The following SHC1 variants were observed in gnomAD, a reference collection of about 807,000 sequenced individuals.
SHC1 encodes the protein SHC adaptor protein 1, also known as SHC-transforming protein 1.
In SHC1, 30 loss-of-function variants were observed where a neutral mutation model predicts 55.9. The ratio of observed to expected loss-of-function variants is 0.54; its 90% CI spans 0.40 to 0.73. The LOEUF is 0.73. Among genes scored for constraint, SHC1 ranks in the 30% least tolerant of loss-of-function variants. The pLI, the probability that SHC1 is intolerant of heterozygous loss-of-function variation, is 0.00. For synonymous variants in SHC1, 309 were observed against 306.1 expected (o/e 1.01, Z -0.10); for missense variants, 675 against 777.1 (o/e 0.87, Z 1.56).
At chr1:154,971,305 G>A (rs556893133), upstream of SHC1, among the ~76,000 whole-genome samples, 7 of 152,246 alleles carry the variant, frequency 4.6e-5, no homozygotes, top group South Asian at 8.3e-4. Context: ...TGGAGCTAGC[G>A]AAGTGGGGAT....
chr1:154,966,270 C>G, intron 8 of SHC1, 39 bp from the exon 9 acceptor site: 1 of 1,611,986 alleles, frequency 6.2e-7, no homozygotes, highest in Non-Finnish European at 8.5e-7. Context: ...GAAGCCCTAA[C>G]CAACCACTCC....
At position 154,965,077 on chromosome 1, in the gene SHC1, C is replaced by T. The variant is rs552673687; in HGVS notation, c.1626+466G>A. Among the ~76,000 whole-genome samples the T allele has an allele frequency of 3.3e-5, 5 of 152,298 alleles. 1 individual carries two copies. In the South Asian group the frequency reaches 1.0e-3, roughly 32 times the overall value. ...TTTCAGACAGAGTCTCACTCTGTCA[C>T]CCAGGCTGGAGTGCAGTGGTGTGAT... is the stretch of plus-strand genomic sequence containing the variant. On this transcript the variant is annotated intron_variant, in intron 11 of 11. Coordinates refer to ENST00000448116, the MANE Select transcript of SHC1 (RefSeq NM_001130040.2).
chr1:154,974,019 G>C (rs1209823136), upstream of SHC1, among the ~76,000 whole-genome samples: 2 of 152,094 alleles, frequency 1.3e-5, no homozygotes, highest in Admixed American at 6.5e-5. Flanking sequence ...CTTGGAACGT[G>C]TCGGGGGGTG....
chr1:154,968,010 A>T lies in SHC1; in HGVS notation c.826T>A (p.Tyr276Asn). 1 of 1,614,178 alleles carries T rather than the reference A, an allele frequency of 6.2e-7. No homozygotes were observed. The highest frequency in any genetic ancestry group is 1.6e-4 in the Middle Eastern group (1 of 6,062). Residue 276 changes from tyrosine to asparagine, a missense_variant, in exon 6 of 12, where the codon TAT (tyrosine) becomes AAT (asparagine). Around this residue, in one of 3 missense-constraint regions of SHC1, gnomAD observed 159 missense variants for 246.9 expected, o/e 0.64. Coordinates refer to ENST00000448116, the MANE Select transcript of SHC1 (RefSeq NM_001130040.2). ...GDPDTAEYVA[Y>N]VAKDPVNQRA... ...TGATTCACAGGGTCTTTGGCAACAT[A>T]GGCGACATACTCGGCTGTGTCCTGG... is the stretch of plus-strand genomic sequence containing the variant.
upstream of SHC1, among the ~76,000 whole-genome samples, chr1:154,973,775 G>A (rs1205631829): frequency 6.6e-6 from 1 of 152,206 alleles, no homozygotes; most frequent in East Asian, 1.9e-4. Flanking sequence ...GGTCCCCTAA[G>A]GACGCGAACT....
intron 8 of SHC1, 43 bp downstream of exon 8, chr1:154,966,276 A>G: frequency 6.2e-7 from 1 of 1,610,306 alleles, no homozygotes; most frequent in Non-Finnish European, 8.5e-7. Flanking sequence ...CTAACCAACC[A>G]CTCCCACCCT....
At position 154,965,527 on chromosome 1, in the gene SHC1, C is replaced by T. The variant is rs1369902142; in HGVS notation, c.1626+16G>A. The T allele has an allele frequency of 3.1e-6, 5 of 1,614,184 alleles. No individual in the cohort carries two copies. In the South Asian group the frequency reaches 5.5e-5, roughly 18 times the overall value. On this transcript the variant is annotated intron_variant, in intron 11 of 11. Coordinates refer to ENST00000448116, the MANE Select transcript of SHC1 (RefSeq NM_001130040.2). ...TCCTTTTTGCCACCCCTCACCCACA[C>T]CTCTGCCACACTCACCACACCCTCA... is the stretch of plus-strand genomic sequence containing the variant.
At chr1:154,973,881 G>A (rs1488738047), upstream of SHC1, among the ~76,000 whole-genome samples, 2 of 152,194 alleles carry the variant, frequency 1.3e-5, no homozygotes, top group African/African-American at 2.4e-5. Context: ...AATTCGAATC[G>A]TTCTTTGAAG....
At chr1:154,972,035 G>A (rs903839325), upstream of SHC1, among the ~76,000 whole-genome samples, 1 of 152,002 alleles carries the variant, frequency 6.6e-6, no homozygotes, top group African/African-American at 2.4e-5. Flanking sequence ...ATCACCTGAA[G>A]TCAGGAGTTC....
chr1:154,973,941 G>A (rs1474095454), upstream of SHC1, among the ~76,000 whole-genome samples: 1 of 152,158 alleles, frequency 6.6e-6, no homozygotes, highest in African/African-American at 2.4e-5. Context: ...GGAGTTAGCC[G>A]AGGATCGTTG....
rs776092216 is a variant in SHC1, at chr1:154,966,512, G to A, written c.989C>T (p.Ala330Val). 1.3e-6 allele frequency: 2 copies of A among 1,587,438 alleles called. No individual in the cohort carries two copies. The highest frequency in any genetic ancestry group is 3.5e-5 in the Admixed American group (2 of 57,590). The change falls in exon 8 of 12, where the codon GCT (alanine) becomes GTT (valine). Residue 330 changes from alanine to valine, a missense_variant. Physicochemically the swap from Ala to Val is moderately conservative, Grantham distance 64. Around this residue, in one of 3 missense-constraint regions of SHC1, gnomAD observed 360 missense variants for 371.1 expected, o/e 0.97. Coordinates refer to ENST00000448116, the MANE Select transcript of SHC1 (RefSeq NM_001130040.2). ...PKLVTPHDRM[A>V]GFDGSAWDEE... ...ATCCCATGCTGAGCCATCAAAGCCA[G>A]CCATCCTGAGGGACAGGACAGTGAA... is the stretch of plus-strand genomic sequence containing the variant.
At chr1:154,967,829 G>C in intron 6 of SHC1, 32 bp from the exon 7 acceptor site, 1 of 1,611,852 alleles carries the variant, frequency 6.2e-7, no homozygotes, top group Non-Finnish European at 8.5e-7. Flanking sequence ...TCAGTGAGCT[G>C]AGCCCACTGG....
chr1:154,967,178 G>A (rs1274592348), intron 7 of SHC1, among the ~76,000 whole-genome samples: 1 of 151,210 alleles, frequency 6.6e-6, no homozygotes, highest in Non-Finnish European at 1.5e-5. Flanking sequence ...ATGTAGGGGG[G>A]TGGGGGGCCG....
At chr1:154,968,098 T>C in intron 5 of SHC1, 67 bp from the exon 6 acceptor site, 1 of 1,597,226 alleles carries the variant, frequency 6.3e-7, no homozygotes, top group Admixed American at 1.7e-5. Flanking sequence ...CCAGTCCTTT[T>C]CAGATATCCC....
chr1:154,966,933 T>C lies in SHC1; in HGVS notation c.984-416A>G, dbSNP rs1303047115. Among the ~76,000 whole-genome samples the C allele has an allele frequency of 3.3e-5, 5 of 152,134 alleles. No individual in the cohort carries two copies. In the South Asian group the frequency reaches 8.3e-4, roughly 25 times the overall value. ...GCCAGGACAACATAGCGAGACCTTATCTCTACCAGAATAAAAATACTACTA... is the reference window on the plus strand; with the variant it reads ...GCCAGGACAACATAGCGAGACCTTACCTCTACCAGAATAAAAATACTACTA... On this transcript the variant is annotated intron_variant, in intron 7 of 11. Coordinates refer to ENST00000448116, the MANE Select transcript of SHC1 (RefSeq NM_001130040.2).
chr1:154,974,002 A>G (rs1209460230), upstream of SHC1, among the ~76,000 whole-genome samples: 1 of 151,894 alleles, frequency 6.6e-6, no homozygotes, highest in African/African-American at 2.4e-5. Context: ...GGTTTCTCGT[A>G]GTAGGGCTTG....
chr1:154,966,425 G>C lies in SHC1; in HGVS notation c.1076C>G (p.Pro359Arg). ...CCTCATGTCTACCACCCCCCCCAAGGGGGGTTCCTTCCCCGGGAAGTCATT... is the reference window on the plus strand; with the variant it reads ...CCTCATGTCTACCACCCCCCCCAAGCGGGGTTCCTTCCCCGGGAAGTCATT... ...YYNDFPGKEP[P>R]LGGVVDMRLR... is the part of the protein sequence containing the mutation. The change falls in exon 8 of 12, where the codon CCC becomes CGC. Residue 359 changes from proline to arginine, a missense_variant. Physicochemically the swap from Pro to Arg is moderately radical, Grantham distance 103 (BLOSUM62 -2). Transcript: ENST00000448116. The C allele has an allele frequency of 6.2e-7, 1 of 1,613,734 alleles. No homozygotes were observed. The highest frequency in any genetic ancestry group is 8.5e-7 in the Non-Finnish European group (1 of 1,179,824).
In SHC1 at chr1:154,970,318, A is replaced by T. The variant is rs779309641; in HGVS notation, c.209T>A (p.Leu70Gln). The T allele has an allele frequency of 1.2e-6, 2 of 1,605,016 alleles. No individual in the cohort carries two copies. Among genetic ancestry groups the T allele is most frequent in the South Asian group, 1.1e-5 (1 of 90,050 alleles). ...SFFPRMSNLRLANPAGGRPGS... is the reference protein window; with the variant it reads ...SFFPRMSNLRQANPAGGRPGS... ...TGGGCGCCCCCCAGCCGGGTTGGCC[A>T]GCCTCAGGTTGCTCATCCGGGGGAA... Residue 70 changes from leucine to glutamine, a missense_variant, in exon 1 of 12, where the codon CTG becomes CAG. Physicochemically the swap from Leu to Gln is moderately radical, Grantham distance 113 (BLOSUM62 -2). Transcript: ENST00000448116. This position sits in a 1 kb window ranked among gnomAD's most constrained non-coding sequence, Gnocchi z 5.5.
intron 11 of SHC1, chr1:154,964,481 A>G (rs1238016589): frequency 2.8e-6 from 1 of 355,162 alleles, no homozygotes; most frequent in African/African-American, 2.1e-5. Context: ...TTACTGTAGA[A>G]AACAAACAAA....
Sources: gnomAD v4.1 joint callset for allele counts (sites outside exome capture counted in the v4.1 genomes callset) on GRCh38, gnomAD v4.1.1 for gene constraint, gnomAD v4.1.1 regional missense constraint, Gnocchi (gnomAD v3.1) non-coding constraint, MANE v1.5 for transcripts, NCBI Gene and HGNC (gene_info 2026-07-23, HGNC 2026-07-21) for gene names.